MCTP1: variants seen among roughly 807,000 people sequenced by gnomAD.
The protein encoded by MCTP1 is multiple C2 and transmembrane domain containing 1.
MCTP1 carries 69 observed loss-of-function variants against 120.6 expected under a neutral mutation model. The observed-to-expected ratio is 0.57, with a 90% CI of 0.47 to 0.70. The LOEUF is 0.70. MCTP1 is among the 30% of genes least tolerant of loss of function. The pLI is 0.00. For missense variants in MCTP1, 1,203 were observed against 1,248.8 expected (o/e 0.96, Z 0.55); for synonymous variants, 529 against 493.1 (o/e 1.07, Z -0.96).
intron 1 of MCTP1, among the ~76,000 whole-genome samples, chr5:95,135,012 A>C (rs1759336283): frequency 7.1e-6 from 1 of 140,268 alleles, no homozygotes; most frequent in Non-Finnish European, 1.5e-5. Flanking sequence ...AAAAAAAAAA[A>C]AAAAAAAAAA....
chr5:94,933,668 TAATATAAAA>T (rs749678279), intron 5 of MCTP1, among the ~76,000 whole-genome samples: 1 of 151,824 alleles, frequency 6.6e-6, no homozygotes, highest in Non-Finnish European at 1.5e-5. Flanking sequence ...AAGAATTTTA[TAATATAAAA>T]TTCCATTATA....
At chr5:94,936,270 T>C (rs1004821624) in intron 5 of MCTP1, among the ~76,000 whole-genome samples, 2 of 152,058 alleles carry the variant, frequency 1.3e-5, no homozygotes, top group African/African-American at 4.8e-5. Flanking sequence ...CTTGGTCTTT[T>C]GAAGTCATCA....
intron 8 of MCTP1, among the ~76,000 whole-genome samples, chr5:94,915,204 C>T (rs1460210536): frequency 6.6e-6 from 1 of 152,188 alleles, no homozygotes; most frequent in Non-Finnish European, 1.5e-5. Flanking sequence ...GGTCAGAAGG[C>T]AAGGCTTCTT....
At chr5:94,951,235 T>G (rs949409177) in intron 3 of MCTP1, among the ~76,000 whole-genome samples, 1 of 152,320 alleles carries the variant, frequency 6.6e-6, no homozygotes, top group East Asian at 1.9e-4. Flanking sequence ...GTACTTCAGT[T>G]TTTTGTTTAT....
chr5:95,055,549 C>G lies in MCTP1; in HGVS notation c.721-38065G>C, dbSNP rs556554911. Among the ~76,000 whole-genome samples, 7 of 152,262 alleles carry G rather than the reference C, an allele frequency of 4.6e-5. No homozygotes were observed. In the South Asian group the frequency reaches 6.2e-4, roughly 14 times the overall value. On this transcript the variant is annotated intron_variant, in intron 1 of 22. Coordinates refer to ENST00000515393, the MANE Select transcript of MCTP1 (RefSeq NM_024717.7). ...ACAAGGAGAGGTTAAGCAACATGTC[C>G]AAGCCCACGTAATTAGTAAGTTTGT...
Position 95,083,582 on chromosome 5 carries a change from A to G in MCTP1, c.721-66098T>C, listed in dbSNP as rs560584724. On this transcript the variant is annotated intron_variant, in intron 1 of 22. Transcript: ENST00000515393. ...AAAGAGGTTAAGTTTGTAGAATGTT[A>G]AGAGTAGAACTGTTGGTTGTTGTAT... Among the ~76,000 whole-genome samples the G allele has an allele frequency of 3.9e-5, 6 of 152,322 alleles. No individual in the cohort carries two copies. The South Asian group carries it at 1.2e-3, about 32-fold the overall frequency.
chr5:95,213,871 G>A (rs1348533989), intron 1 of MCTP1, among the ~76,000 whole-genome samples: 1 of 152,266 alleles, frequency 6.6e-6, no homozygotes, highest in Admixed American at 6.5e-5. Context: ...CTTCAAGGTG[G>A]ATTAAAGACT....
intron 1 of MCTP1, among the ~76,000 whole-genome samples, chr5:95,260,178 T>C (rs1259316259): frequency 1.3e-5 from 2 of 152,034 alleles, no homozygotes; most frequent in South Asian, 4.1e-4. Flanking sequence ...TGAGGCTGAG[T>C]GTGGAGGAAA....
At chr5:95,118,462 GA>G (rs1293416799) in intron 1 of MCTP1, among the ~76,000 whole-genome samples, 1 of 151,924 alleles carries the variant, frequency 6.6e-6, no homozygotes, top group East Asian at 1.9e-4. Context: ...AAGTAATACA[GA>G]AAGAAAAGAA....
At chr5:94,931,866 T>C in intron 6 of MCTP1, 87 bp downstream of exon 6, 8 of 979,824 alleles carry the variant, frequency 8.2e-6, no homozygotes, top group Non-Finnish European at 1.3e-5. Context: ...TCTGGTAGCA[T>C]ACTTTGAAGA....
chr5:95,041,205 A>G (rs1842294788), intron 1 of MCTP1, among the ~76,000 whole-genome samples: 2 of 151,790 alleles, frequency 1.3e-5, no homozygotes, highest in African/African-American at 2.4e-5. Context: ...TACTACTTTT[A>G]CAGATGTGGA....
intron 2 of MCTP1, among the ~76,000 whole-genome samples, chr5:94,974,642 T>A (rs184885169): frequency 6.6e-6 from 1 of 152,040 alleles, no homozygotes; most frequent in African/African-American, 2.4e-5. Flanking sequence ...AAAAAGCCTA[T>A]AATTAATTAC....
chr5:94,929,260 CTT>C (rs1813928406), intron 6 of MCTP1, among the ~76,000 whole-genome samples: 1 of 152,148 alleles, frequency 6.6e-6, no homozygotes, highest in Non-Finnish European at 1.5e-5. Flanking sequence ...ATCTTTAAGT[CTT>C]TGCTACAAAA....
intron 7 of MCTP1, among the ~76,000 whole-genome samples, chr5:94,923,192 G>A (rs996539284): frequency 3.3e-5 from 5 of 152,146 alleles, no homozygotes; most frequent in African/African-American, 9.7e-5. Context: ...TGCGAGTTAA[G>A]AAAGGAAAAT....
intron 1 of MCTP1, among the ~76,000 whole-genome samples, chr5:95,107,248 C>T (rs1757147318): frequency 1.3e-5 from 2 of 152,108 alleles, no homozygotes; most frequent in Admixed American, 1.3e-4. Context: ...AACAGATTAC[C>T]TTTCCAAATG....
intron 19 of MCTP1, among the ~76,000 whole-genome samples, chr5:94,743,888 C>T (rs1766230269): frequency 6.6e-6 from 1 of 151,940 alleles, no homozygotes; most frequent in Non-Finnish European, 1.5e-5. Flanking sequence ...ATCTGTCCAC[C>T]TCGGTCTCCC....
chr5:95,222,194 G>C (rs147965921), intron 1 of MCTP1, among the ~76,000 whole-genome samples: 3,957 of 152,262 alleles, frequency 0.026, 74 homozygotes, highest in Non-Finnish European at 0.035. Flanking sequence ...CTTCCACCTA[G>C]CAGTCCCTGA....
At chr5:94,912,759 C>A in intron 9 of MCTP1, 47 bp downstream of exon 9, 1 of 1,458,862 alleles carries the variant, frequency 6.9e-7, no homozygotes, top group Non-Finnish European at 9.1e-7. Flanking sequence ...TATTAACCAA[C>A]CAATGCCTTC....
At chr5:94,790,054 T>C (rs1337935763) in intron 18 of MCTP1, among the ~76,000 whole-genome samples, 2 of 152,140 alleles carry the variant, frequency 1.3e-5, no homozygotes, top group Non-Finnish European at 2.9e-5. Context: ...GAGCCAGTTA[T>C]GATAATATAC....
Sources: allele counts gnomAD v4.1 joint callset (sites outside exome capture counted in the v4.1 genomes callset), GRCh38; gene constraint gnomAD v4.1.1; transcripts MANE v1.5; gene names NCBI Gene and HGNC (gene_info 2026-07-23, HGNC 2026-07-21).